The following DLGAP2 variants were observed in gnomAD, a reference collection of about 807,000 sequenced individuals.
DLGAP2 encodes disks large-associated protein 2.
A neutral mutation model predicts 100.3 loss-of-function variants in DLGAP2; 26 were observed. The ratio of observed to expected loss-of-function variants is 0.26; its 90% CI spans 0.19 to 0.36. The LOEUF (loss-of-function observed/expected upper bound fraction) is 0.36. Among genes scored for constraint, DLGAP2 ranks in the 10% least tolerant of loss-of-function variants. The probability of loss-of-function intolerance (pLI) is 1.00; values close to 1 mark genes in which losing one functional copy is unlikely to be tolerated. For synonymous variants in DLGAP2, 886 were observed against 630.1 expected (o/e 1.41, Z -6.08); for missense variants, 1,858 against 1,453.2 (o/e 1.28, Z -4.53).
At chr8:1,222,124 A>G (rs1029081755) in intron 2 of DLGAP2, among the ~76,000 whole-genome samples, 6 of 152,202 alleles carry the variant, frequency 3.9e-5, no homozygotes, top group African/African-American at 1.2e-4. Context: ...CCGGGGAGCT[A>G]GAGCAGTCAT....
chr8:1,499,343 G>C (rs1418922494), intron 3 of DLGAP2, among the ~76,000 whole-genome samples: 6 of 152,226 alleles, frequency 3.9e-5, no homozygotes, highest in Non-Finnish European at 5.9e-5. Context: ...CTGTGTGCAT[G>C]TGTGCTGAAA....
intron 8 of DLGAP2, among the ~76,000 whole-genome samples, chr8:1,647,719 C>T (rs1229277021): frequency 6.6e-6 from 1 of 152,120 alleles, no homozygotes; most frequent in Admixed American, 6.5e-5. Flanking sequence ...AGCTGCCAGT[C>T]CCCTGCCGGG....
At chr8:1,325,431 G>T (rs995102825) in intron 3 of DLGAP2, among the ~76,000 whole-genome samples, 7 of 152,354 alleles carry the variant, frequency 4.6e-5, no homozygotes, top group African/African-American at 1.7e-4. Flanking sequence ...CAGCCCGGCT[G>T]CTGTAGCGCG....
intron 2 of DLGAP2, among the ~76,000 whole-genome samples, chr8:1,235,626 A>G (rs62486957): frequency 0.47 from 8,607 of 18,188 alleles, 2,391 homozygotes; most frequent in Middle Eastern, 0.75. Context: ...TTTCTCACAC[A>G]TAGCATCATG....
At chr8:1,187,057 G>T (rs1797521036) in intron 2 of DLGAP2, among the ~76,000 whole-genome samples, 1 of 152,100 alleles carries the variant, frequency 6.6e-6, no homozygotes. Flanking sequence ...AGAATCCCAT[G>T]GAAGGGCTGT....
intron 2 of DLGAP2, among the ~76,000 whole-genome samples, chr8:1,054,049 C>A (rs1480040924): frequency 1.3e-5 from 2 of 152,148 alleles, no homozygotes; most frequent in Admixed American, 1.3e-4. Flanking sequence ...CAGCCTTCCG[C>A]TGCTGGGTGC....
At chr8:873,284 G>A (rs182439514) in intron 1 of DLGAP2, among the ~76,000 whole-genome samples, 230 of 152,226 alleles carry the variant, frequency 1.5e-3, no homozygotes, top group Non-Finnish European at 2.5e-3. Flanking sequence ...GGAAATAGAG[G>A]TAGTTTTATG....
intron 5 of DLGAP2, among the ~76,000 whole-genome samples, chr8:1,551,467 G>C (rs1444174917): frequency 1.3e-5 from 2 of 152,104 alleles, no homozygotes; most frequent in African/African-American, 2.4e-5. Context: ...CCCTCCAGCT[G>C]CGCCTTCTCC....
intron 3 of DLGAP2, among the ~76,000 whole-genome samples, chr8:1,423,835 C>T (rs763868009): frequency 6.6e-6 from 1 of 152,172 alleles, no homozygotes; most frequent in Non-Finnish European, 1.5e-5. Context: ...CAGGTTAATC[C>T]CTCTTTCAAA....
chr8:1,626,930 C>T (rs773562485), intron 7 of DLGAP2, 43 bp downstream of exon 7: 24 of 1,553,510 alleles, frequency 1.5e-5, no homozygotes, highest in East Asian at 2.4e-5. Context: ...CCAGTCTCCC[C>T]AGCCAGGCTG....
chr8:1,433,685 G>T (rs575124725), intron 3 of DLGAP2, among the ~76,000 whole-genome samples: 244 of 151,052 alleles, frequency 1.6e-3, no homozygotes, highest in Non-Finnish European at 1.8e-3. Flanking sequence ...CTGGTTAGGT[G>T]CCTGGAGTTT....
At chr8:1,378,352 C>G (rs1796010735) in intron 3 of DLGAP2, among the ~76,000 whole-genome samples, 1 of 151,364 alleles carries the variant, frequency 6.6e-6, no homozygotes, top group Middle Eastern at 3.4e-3. Context: ...CCTGACCTCA[C>G]CTGTCTGTCC....
At chr8:1,535,958 G>C (rs369915011) in intron 4 of DLGAP2, among the ~76,000 whole-genome samples, 1 of 152,228 alleles carries the variant, frequency 6.6e-6, no homozygotes, top group Non-Finnish European at 1.5e-5. Context: ...TTGCGTGGCA[G>C]ACACGTTGCC....
intron 2 of DLGAP2, among the ~76,000 whole-genome samples, chr8:1,078,332 T>C (rs1410628567): frequency 6.6e-6 from 1 of 152,246 alleles, no homozygotes; most frequent in African/African-American, 2.4e-5. Flanking sequence ...TTTTTGCCTG[T>C]ATTCCATTTC....
intron 3 of DLGAP2, among the ~76,000 whole-genome samples, chr8:1,335,943 G>A (rs1053547419): frequency 2.6e-5 from 4 of 152,242 alleles, no homozygotes; most frequent in Admixed American, 6.5e-5. Flanking sequence ...GTGGTGACGC[G>A]GGAGGCATCA....
intron 6 of DLGAP2, among the ~76,000 whole-genome samples, chr8:1,586,888 G>A (rs947658229): frequency 1.1e-4 from 16 of 152,186 alleles, no homozygotes; most frequent in Non-Finnish European, 2.2e-4. Flanking sequence ...CTGGGCATGT[G>A]GCTCCCTCTG....
chr8:841,588 T>C (rs1227053139), intron 1 of DLGAP2, among the ~76,000 whole-genome samples: 1 of 152,090 alleles, frequency 6.6e-6, no homozygotes, highest in Admixed American at 6.5e-5. Context: ...ATTTTTTTTT[T>C]GAGATGAGGT....
chr8:1,254,030 C>G (rs991245236), intron 2 of DLGAP2, among the ~76,000 whole-genome samples: 11 of 152,224 alleles, frequency 7.2e-5, no homozygotes, highest in African/African-American at 2.4e-4. Context: ...GTCTCTGATC[C>G]ATGTCTGAGT....
intron 2 of DLGAP2, among the ~76,000 whole-genome samples, chr8:951,611 T>C (rs1055842974): frequency 6.6e-6 from 1 of 152,228 alleles, no homozygotes. Context: ...ATTGCGTTCA[T>C]GAAGCTTTTC....
Sources: allele counts gnomAD v4.1 joint callset (sites outside exome capture counted in the v4.1 genomes callset), GRCh38; gene constraint gnomAD v4.1.1; transcripts MANE v1.5; gene names NCBI Gene and HGNC (gene_info 2026-07-23, HGNC 2026-07-21).